Variants in POLR1C observed in about 807,000 individuals in gnomAD.
POLR1C encodes the protein RNA polymerase I and III subunit C, also known as DNA-directed RNA polymerases I and III subunit RPAC1.
In POLR1C, 42 loss-of-function variants were observed where a neutral mutation model predicts 38.3. The observed-to-expected ratio is 1.10, with a 90% CI of 0.86 to 1.42. The LOEUF is 1.42. Ranked by LOEUF, POLR1C falls within the 40% of genes most tolerant of loss-of-function variation. The pLI is 0.00. For synonymous variants in POLR1C, 163 were observed against 163.9 expected (o/e 0.99, Z 0.04); for missense variants, 507 against 450.5 (o/e 1.13, Z -1.14).
Position 43,520,375 on chromosome 6 carries a change from G to T in POLR1C, c.603G>T (p.Gln201His), listed in dbSNP as rs1362226231. 2.5e-6 allele frequency: 4 copies of T among 1,613,872 alleles called. No homozygotes were observed. In the South Asian group the frequency reaches 4.4e-5, roughly 18 times the overall value. Residue 201 changes from glutamine (Q) to histidine (H), a missense_variant, in exon 6 of 9, where the codon CAG (glutamine) becomes CAT (histidine). Physicochemically the swap from Gln to His is conservative, Grantham distance 24. Coordinates refer to ENST00000642195, the MANE Select transcript of POLR1C (RefSeq NM_203290.4). ...RPVHDDILIA[Q>H]LRPGQEIDLL... ...TGCATGATGATATCCTCATCGCTCAGCTGCGGCCTGGCCAAGAAATTGACC... is the reference window on the plus strand; with the variant it reads ...TGCATGATGATATCCTCATCGCTCATCTGCGGCCTGGCCAAGAAATTGACC...
Position 43,557,542 on chromosome 6 carries a change from G to A in POLR1C, c.*49-3858G>A, listed in dbSNP as rs78324574. Among the ~76,000 whole-genome samples, 345 of 152,182 alleles carry A rather than the reference G, an allele frequency of 2.3e-3. 1 individual carries two copies. The highest frequency in any genetic ancestry group is 0.015 in the East Asian group (80 of 5,186). Reference sequence around the variant, plus strand: ...ATGTATGATTCAATTTATATGAAACGTTCAGAATAGGCAAAACAGAGACAG... The same window carrying A: ...ATGTATGATTCAATTTATATGAAACATTCAGAATAGGCAAAACAGAGACAG... On this transcript the variant is annotated intron_variant, in intron 10 of 10. Transcript: ENST00000607635.
chr6:43,530,606 C>T, downstream of POLR1C: 2 of 1,495,584 alleles, frequency 1.3e-6, no homozygotes, highest in Non-Finnish European at 1.8e-6. Context: ...TCTGCCTCTT[C>T]CCTCTGGTTG....
intron 8 of POLR1C, chr6:43,528,335 A>G: frequency 1.2e-6 from 1 of 845,418 alleles, no homozygotes; most frequent in Non-Finnish European, 1.9e-6. Context: ...CAACTTCTGT[A>G]GACTCCACAC....
rs1251342237 is a variant in POLR1C, at chr6:43,520,411, C to T, written c.639C>T (p.His213=). 10 of 1,613,714 alleles carry T rather than the reference C, an allele frequency of 6.2e-6. No individual in the cohort carries two copies. The highest frequency in any genetic ancestry group is 8.5e-6 in the Non-Finnish European group (10 of 1,180,032). Residue 213 remains histidine, a synonymous_variant, in exon 6 of 9, where the codon CAC becomes CAT. Coordinates refer to ENST00000642195, the MANE Select transcript of POLR1C (RefSeq NM_203290.4). The part of the protein sequence containing the change: ...RPGQEIDLLM[H]CVKGIGKDHA... ...GCCAAGAAATTGACCTGCTCATGCA[C>T]TGTGTCAAGGGCATTGGTGAGAACC...
chr6:43,546,301 T>TA (rs1421545048), intron 9 of POLR1C, among the ~76,000 whole-genome samples: 3 of 151,988 alleles, frequency 2.0e-5, no homozygotes, highest in African/African-American at 4.8e-5. Flanking sequence ...GGATGAAGTA[T>TA]AAAGAAATGG....
intron 7 of POLR1C, 43 bp downstream of exon 7, chr6:43,520,817 A>G (rs200780238): frequency 6.2e-7 from 1 of 1,611,576 alleles, no homozygotes; most frequent in African/African-American, 1.3e-5. Context: ...CCTAAATTAT[A>G]TTTTCTTTCA....
intron 9 of POLR1C, among the ~76,000 whole-genome samples, chr6:43,536,989 C>T (rs527629200): frequency 6.6e-6 from 1 of 152,070 alleles, no homozygotes; most frequent in South Asian, 2.1e-4. Context: ...TTTAAAGAGA[C>T]AGGGTCTCAC....
chr6:43,530,332 A>T (rs1471489723), downstream of POLR1C, among the ~76,000 whole-genome samples: 2 of 152,114 alleles, frequency 1.3e-5, no homozygotes, highest in African/African-American at 4.8e-5. Flanking sequence ...GCTGAGGCAC[A>T]AGAATAGCTT....
chr6:43,547,139 C>G (rs1045655926), intron 9 of POLR1C, among the ~76,000 whole-genome samples: 4 of 152,300 alleles, frequency 2.6e-5, no homozygotes, highest in Non-Finnish European at 4.4e-5. Flanking sequence ...CCTAATCCCC[C>G]CTCACGGTAC....
chr6:43,524,181 G>A (rs562561967), downstream of POLR1C, among the ~76,000 whole-genome samples: 1 of 152,134 alleles, frequency 6.6e-6, no homozygotes, highest in East Asian at 1.9e-4. Context: ...GAGAAACCCC[G>A]TCTCTACTAA....
intron 6 of POLR1C, 74 bp downstream of exon 6, chr6:43,520,501 G>A: frequency 1.2e-6 from 2 of 1,604,420 alleles, no homozygotes; most frequent in South Asian, 1.1e-5. Flanking sequence ...AGGGAACTCA[G>A]CTGAGACATT....
At chr6:43,531,579 C>T (rs377330205), downstream of POLR1C, 7 of 1,611,254 alleles carry the variant, frequency 4.3e-6, no homozygotes, top group Admixed American at 1.7e-5. Context: ...GGTAATCCTA[C>T]AGGGAAATAC....
chr6:43,546,420 T>G, intron 9 of POLR1C: 9 of 733,042 alleles, frequency 1.2e-5, no homozygotes, highest in Non-Finnish European at 1.8e-5. Context: ...GTTATTTTTT[T>G]TAAAACTGAG....
chr6:43,561,251 A>C (rs1484973259), intron 10 of POLR1C: 2 of 420,016 alleles, frequency 4.8e-6, no homozygotes, highest in African/African-American at 4.0e-5. Flanking sequence ...TTCTGTGGTC[A>C]AACAGTAAAA....
intron 2 of POLR1C, among the ~76,000 whole-genome samples, chr6:43,518,270 T>C (rs1561856454): frequency 6.6e-6 from 1 of 152,188 alleles, no homozygotes. Context: ...GAACTAAGAC[T>C]GATGGTAGAA....
chr6:43,531,582 G>A (rs780197143), downstream of POLR1C: 2 of 1,608,878 alleles, frequency 1.2e-6, no homozygotes, highest in Non-Finnish European at 1.7e-6. Context: ...AATCCTACAG[G>A]GAAATACGGG....
chr6:43,546,126 G>A (rs1005890506), intron 9 of POLR1C, among the ~76,000 whole-genome samples: 7 of 152,118 alleles, frequency 4.6e-5, no homozygotes, highest in South Asian at 2.1e-4. Context: ...TTCAGCCAGC[G>A]GTTGTTTGGT....
At chr6:43,553,577 A>G in intron 10 of POLR1C, 1 of 1,501,942 alleles carries the variant, frequency 6.7e-7, no homozygotes, top group Non-Finnish European at 8.9e-7. Flanking sequence ...ATCGCAGAAG[A>G]CACAGAGAGA....
At chr6:43,549,352 C>T (rs889897895) in intron 9 of POLR1C, 1 of 816,308 alleles carries the variant, frequency 1.2e-6, no homozygotes, top group South Asian at 2.0e-5. Flanking sequence ...GTGTGAGCCA[C>T]CATGCCCGGC....
Sources: allele counts gnomAD v4.1 joint callset (sites outside exome capture counted in the v4.1 genomes callset), GRCh38; gene constraint gnomAD v4.1.1; transcripts MANE v1.5; gene names NCBI Gene and HGNC (gene_info 2026-07-23, HGNC 2026-07-21).